Variants in RIMS2 observed in about 807,000 individuals in gnomAD.
RIMS2 encodes the protein regulating synaptic membrane exocytosis protein 2.
A neutral mutation model predicts 174.4 loss-of-function variants in RIMS2; 59 were observed. The ratio of observed to expected loss-of-function variants is 0.34; its 90% confidence interval spans 0.27 to 0.42. The LOEUF is 0.42. Ranked by LOEUF, RIMS2 falls within the 10% of genes least tolerant of loss-of-function variation. The pLI is 1.00. For synonymous variants in RIMS2, 606 were observed against 572.5 expected, an observed-to-expected ratio of 1.06 and a Z score of -0.84; for missense variants, 1,620 against 1,666.3, an observed-to-expected ratio of 0.97 and a Z score of 0.48.
chr8:104,233,836 G>A (rs529702754), intron 19 of RIMS2, among the ~76,000 whole-genome samples: 1 of 152,162 alleles, frequency 6.6e-6, no homozygotes, highest in African/African-American at 2.4e-5. Flanking sequence ...CAGGCTTTCA[G>A]CCTAAAGATT....
intron 1 of RIMS2, among the ~76,000 whole-genome samples, chr8:103,554,656 T>A (rs1191092707): frequency 6.6e-6 from 1 of 152,106 alleles, no homozygotes; most frequent in Admixed American, 6.6e-5. Context: ...AACAGAAGTA[T>A]AATTCGACCC....
At chr8:103,682,835 C>G (rs1403507118) in intron 1 of RIMS2, among the ~76,000 whole-genome samples, 1 of 152,186 alleles carries the variant, frequency 6.6e-6, no homozygotes, top group Non-Finnish European at 1.5e-5. Flanking sequence ...TTCTGTATCT[C>G]TGTTCTTCCT....
intron 1 of RIMS2, among the ~76,000 whole-genome samples, chr8:103,593,538 T>C (rs1409211578): frequency 6.6e-6 from 1 of 151,466 alleles, no homozygotes; most frequent in Non-Finnish European, 1.5e-5. Flanking sequence ...TAAATATTCT[T>C]TCCTTTTCCA....
At chr8:103,756,173 A>G (rs1052950044) in intron 2 of RIMS2, among the ~76,000 whole-genome samples, 5 of 152,130 alleles carry the variant, frequency 3.3e-5, no homozygotes, top group Non-Finnish European at 7.4e-5. Flanking sequence ...TTTTCCTACT[A>G]GCAGTCAGGT....
chr8:103,994,203 G>A (rs1046710100), intron 17 of RIMS2, among the ~76,000 whole-genome samples: 31 of 152,004 alleles, frequency 2.0e-4, no homozygotes, highest in Admixed American at 9.2e-4. Context: ...GGGGACATTC[G>A]GCTAATTTCA....
chr8:104,097,911 C>T (rs571285045), intron 19 of RIMS2, among the ~76,000 whole-genome samples: 22 of 152,110 alleles, frequency 1.4e-4, no homozygotes, highest in Admixed American at 2.6e-4. Context: ...ACTTTTACAC[C>T]AACCTAATAT....
chr8:103,740,179 A>C (rs1746323076), intron 2 of RIMS2, among the ~76,000 whole-genome samples: 1 of 152,216 alleles, frequency 6.6e-6, no homozygotes, highest in African/African-American at 2.4e-5. Context: ...AGTCACTACT[A>C]TTAAGATTGT....
intron 1 of RIMS2, among the ~76,000 whole-genome samples, chr8:103,514,868 A>T (rs1586584470): frequency 6.6e-6 from 1 of 152,098 alleles, no homozygotes; most frequent in East Asian, 1.9e-4. Context: ...ACTGCACTTC[A>T]GCCTGGGCAA....
At chr8:103,668,571 T>A (rs2096704484) in intron 1 of RIMS2, among the ~76,000 whole-genome samples, 1 of 152,110 alleles carries the variant, frequency 6.6e-6, no homozygotes, top group South Asian at 2.1e-4. Context: ...TGTAAGTGTG[T>A]GTGTGTGTGA....
chr8:103,797,285 C>A (rs1462336646), intron 3 of RIMS2, among the ~76,000 whole-genome samples: 1 of 152,108 alleles, frequency 6.6e-6, no homozygotes, highest in Non-Finnish European at 1.5e-5. Context: ...ATTATTAATG[C>A]ACTTACCACT....
chr8:104,227,211 C>CTTTTTT (rs55927938), intron 19 of RIMS2, among the ~76,000 whole-genome samples: 4 of 126,736 alleles, frequency 3.2e-5, no homozygotes, highest in African/African-American at 1.2e-4. Context: ...ACTTGGAGCT[C>CTTTTTT]TTTTTTTTTT....
At chr8:103,990,307 A>C (rs2094602329) in intron 17 of RIMS2, among the ~76,000 whole-genome samples, 1 of 152,006 alleles carries the variant, frequency 6.6e-6, no homozygotes, top group Non-Finnish European at 1.5e-5. Context: ...TTCATGCTTA[A>C]TTTCACTGTG....
intron 4 of RIMS2, among the ~76,000 whole-genome samples, chr8:103,893,639 CTT>C (rs1693848211): frequency 6.6e-6 from 1 of 151,968 alleles, no homozygotes; most frequent in African/African-American, 2.4e-5. Flanking sequence ...GTTAAAAAAA[CTT>C]AAATATTTTG....
chr8:103,891,035 C>T (rs1267776388), intron 4 of RIMS2, among the ~76,000 whole-genome samples: 2 of 151,964 alleles, frequency 1.3e-5, no homozygotes, highest in Non-Finnish European at 1.5e-5. Flanking sequence ...TATCCCCAGA[C>T]ATTACAAAAT....
intron 3 of RIMS2, among the ~76,000 whole-genome samples, chr8:103,834,686 T>TTCTTTCTTTC (rs1424851370): frequency 7.7e-4 from 42 of 54,688 alleles, no homozygotes; most frequent in Admixed American, 1.9e-3. Flanking sequence ...TTTTCTTTCT[T>TTCTTTCTTTC]TCTTTCTTTC....
chr8:103,916,911 T>C (rs1220955596), intron 8 of RIMS2, among the ~76,000 whole-genome samples: 2 of 152,108 alleles, frequency 1.3e-5, no homozygotes, highest in East Asian at 1.9e-4. Flanking sequence ...CCAAAGGACA[T>C]ACAATTCCTA....
chr8:103,918,417 T>C, intron 8 of RIMS2, 24 bp from the exon 12 acceptor site: 1 of 1,219,766 alleles, frequency 8.2e-7, no homozygotes, highest in African/African-American at 2.5e-5. Context: ...TTTCTGTCTT[T>C]CTTTTTTTTT....
chr8:104,176,313 C>T (rs1321624208), intron 19 of RIMS2, among the ~76,000 whole-genome samples: 1 of 152,078 alleles, frequency 6.6e-6, no homozygotes, highest in East Asian at 1.9e-4. Flanking sequence ...ATTCCCTAAG[C>T]ATTTCCCTTT....
intron 2 of RIMS2, among the ~76,000 whole-genome samples, chr8:103,717,400 G>A (rs185224175): frequency 6.6e-6 from 1 of 151,228 alleles, no homozygotes; most frequent in Non-Finnish European, 1.5e-5. Flanking sequence ...GTCCCAGACT[G>A]TGCGTCATCC....
Sources: allele counts gnomAD v4.1 joint callset (sites outside exome capture counted in the v4.1 genomes callset), GRCh38; gene constraint gnomAD v4.1.1; transcripts MANE v1.5; gene names NCBI Gene and HGNC (gene_info 2026-07-23, HGNC 2026-07-21).